Variants in KIFC1 observed in about 807,000 individuals in gnomAD.
KIFC1 encodes the protein kinesin family member C1.
In KIFC1, 37 loss-of-function variants were observed where a neutral mutation model predicts 66.6. The ratio of observed to expected loss-of-function variants is 0.56; its 90% confidence interval spans 0.43 to 0.73. The LOEUF (loss-of-function observed/expected upper bound fraction) is 0.73. KIFC1 is among the 30% of genes least tolerant of loss of function. The pLI is 0.00. For synonymous variants in KIFC1, 325 were observed against 343.5 expected, an observed-to-expected ratio of 0.95 and a Z score of 0.60; for missense variants, 721 against 859.8, an observed-to-expected ratio of 0.84 and a Z score of 2.02.
intron 3 of KIFC1, among the ~76,000 whole-genome samples, chr6:33,399,685 G>A (rs758781241): frequency 6.2e-4 from 95 of 152,246 alleles, no homozygotes; most frequent in Non-Finnish European, 1.0e-3. Flanking sequence ...CATAGAAAAG[G>A]TACAGTTAAA....
Position 33,404,947 on chromosome 6 carries a change from T to C in KIFC1, c.852T>C (p.Thr284=). ...QETVAQAALL[T]EREERLHGLE... ...CTGTGGCCCAGGCAGCCTTACTGAC[T>C]GAGCGGGAAGAACGTCTTCATGGGC... The change falls in exon 7 of 11, where the codon ACT becomes ACC. Residue 284 remains threonine (T), a synonymous_variant. Transcript: ENST00000428849. This position sits in a 1 kb window ranked among gnomAD's most constrained non-coding sequence, Gnocchi z 4.0. The C allele has an allele frequency of 6.2e-7, 1 of 1,614,158 alleles. No individual in the cohort carries two copies. The highest frequency in any genetic ancestry group is 1.1e-5 in the South Asian group (1 of 91,086).
chr6:33,401,050 T>TC lies in KIFC1; in HGVS notation c.251-2263dup, dbSNP rs536955548. Among the ~76,000 whole-genome samples the TC allele has an allele frequency of 3.3e-3, 498 of 152,358 alleles. 3 individuals are homozygous for TC. The highest frequency in any genetic ancestry group is 0.011 in the African/African-American group (474 of 41,594). ...ATATCCTTATTCCTCATGCTTTTTT[T>TC]CTATCTAAATTTTGTTTTGGGCGGG... On this transcript the variant is annotated intron_variant, in intron 3 of 10. Transcript: ENST00000428849. The surrounding 1 kb of genome is among the most constrained non-coding windows in gnomAD (Gnocchi z 4.5).
At chr6:33,402,622 C>G (rs1775430714) in intron 3 of KIFC1, among the ~76,000 whole-genome samples, 1 of 151,560 alleles carries the variant, frequency 6.6e-6, no homozygotes, top group Non-Finnish European at 1.5e-5. Context: ...CCCAGCTACT[C>G]AGGAGGCTGA....
In KIFC1 at chr6:33,398,775, TA is replaced by T. The variant is rs565866417; in HGVS notation, c.250+389del. On this transcript the variant is annotated intron_variant, in intron 3 of 10. Transcript: ENST00000428849. ...GGCACCGCACCCAGCCTATTTTGAA[TA>T]GGTAATAACATTTCATTTGGTTCAA... Among the ~76,000 whole-genome samples the T allele has an allele frequency of 5.0e-3, 765 of 152,246 alleles. 8 individuals are homozygous for T. The highest frequency in any genetic ancestry group is 0.017 in the African/African-American group (721 of 41,540).
chr6:33,400,200 T>A lies in KIFC1; in HGVS notation c.250+1813T>A, dbSNP rs1775302372. The A allele has an allele frequency of 6.5e-7, 1 of 1,550,316 alleles. No homozygotes were observed. The highest frequency in any genetic ancestry group is 8.8e-7 in the Non-Finnish European group (1 of 1,137,830). ...TTCCAGAGAGTTCTCTGGCTAAGGA[T>A]CGGTGCCGCATCTGTCGAGCAATGT... On this transcript the variant is annotated intron_variant, in intron 3 of 10. Coordinates refer to ENST00000428849, the MANE Select transcript of KIFC1 (RefSeq NM_002263.4). This position sits in a 1 kb window ranked among gnomAD's most constrained non-coding sequence, Gnocchi z 4.3.
chr6:33,408,596 C>T (rs1378704097), intron 10 of KIFC1, among the ~76,000 whole-genome samples: 5 of 152,218 alleles, frequency 3.3e-5, no homozygotes, highest in Non-Finnish European at 5.9e-5. Context: ...AAATTCAATT[C>T]ATACAGGAAA....
chr6:33,395,891 T>A (rs1338521351), intron 1 of KIFC1, among the ~76,000 whole-genome samples: 1 of 152,232 alleles, frequency 6.6e-6, no homozygotes, highest in Non-Finnish European at 1.5e-5. Flanking sequence ...CCTCTTTTTT[T>A]CCCTTTTTAT....
In KIFC1 at chr6:33,404,263, G is replaced by A; in HGVS notation, c.756+134G>A. On this transcript the variant is annotated intron_variant, in intron 6 of 10. Coordinates refer to ENST00000428849, the MANE Select transcript of KIFC1 (RefSeq NM_002263.4). This position sits in a 1 kb window ranked among gnomAD's most constrained non-coding sequence, Gnocchi z 4.0. ...TATCTTTAGCAGTATAGGTGCTGCTGAAGATACCTCTCTCTTGACCTGTCT... is the reference window on the plus strand; with the variant it reads ...TATCTTTAGCAGTATAGGTGCTGCTAAAGATACCTCTCTCTTGACCTGTCT... 1.2e-6 allele frequency: 1 copy of A among 802,558 alleles called. No homozygotes were observed. The highest frequency in any genetic ancestry group is 1.9e-6 in the Non-Finnish European group (1 of 521,058). The allele number at this position is 802,558 out of a possible 1,614,324, so 49.7% of individuals were successfully genotyped here.
Position 33,398,304 on chromosome 6 carries a change from T to C in KIFC1, c.167T>C (p.Leu56Pro), listed in dbSNP as rs1775196284. Residue 56 changes from leucine (L) to proline (P), a missense_variant, in exon 3 of 11, where the codon CTG (leucine) becomes CCG (proline). Coordinates refer to ENST00000428849, the MANE Select transcript of KIFC1 (RefSeq NM_002263.4). ...TTTCCCCAGAAACGGACAAGAGGCC[T>C]GGGTGCAACGACCAAAATTACCACA... Reference protein sequence around the residue: ...LEPEKKRTRGLGATTKITTSH... With the variant: ...LEPEKKRTRGPGATTKITTSH... 6 of 1,613,948 alleles carry C rather than the reference T, an allele frequency of 3.7e-6. No homozygotes were observed. Among genetic ancestry groups the C allele is most frequent in the Admixed American group, 1.7e-5 (1 of 59,990 alleles).
In KIFC1 at chr6:33,400,552, G is replaced by T. The variant is rs942391077; in HGVS notation, c.250+2165G>T. On this transcript the variant is annotated intron_variant, in intron 3 of 10. Coordinates refer to ENST00000428849, the MANE Select transcript of KIFC1 (RefSeq NM_002263.4). This position sits in a 1 kb window ranked among gnomAD's most constrained non-coding sequence, Gnocchi z 4.3. ...GATCTCGTTGGGGTCGAACTTCGGT[G>T]GCATGGTGGAGGCAGCTGGTGTCGG... 1 of 1,442,354 alleles carries T rather than the reference G, an allele frequency of 6.9e-7. No individual in the cohort carries two copies. The highest frequency in any genetic ancestry group is 9.7e-7 in the Non-Finnish European group (1 of 1,035,372). The allele number at this position is 1,442,354 out of a possible 1,614,324, so 89.3% of individuals were successfully genotyped here.
In KIFC1 at chr6:33,403,644, G is replaced by C; in HGVS notation, c.356-85G>C. On this transcript the variant is annotated intron_variant, in intron 5 of 10. Transcript: ENST00000428849. The surrounding 1 kb of genome is among the most constrained non-coding windows in gnomAD (Gnocchi z 4.6). The stretch of plus-strand genomic sequence containing the variant: ...CTAAGGGGAAGGAGATGTAGCATCA[G>C]GTGTGGATCCCATAAAGGCTAGAAG... The C allele has an allele frequency of 6.3e-7, 1 of 1,575,998 alleles. No individual in the cohort carries two copies. The highest frequency in any genetic ancestry group is 8.7e-7 in the Non-Finnish European group (1 of 1,146,586).
rs9469421 is a variant in KIFC1, at chr6:33,406,989, A to G, written c.1977+114A>G. ...GCACATTTGTGCAGAAAGGTTTTGC[A>G]GGTATCTGAGGCACTGCTCACCTGG... On this transcript the variant is annotated intron_variant, in intron 10 of 10. Transcript: ENST00000428849. The surrounding 1 kb of genome is among the most constrained non-coding windows in gnomAD (Gnocchi z 4.5). The G allele has an allele frequency of 3.5e-3, 5,180 of 1,500,722 alleles. 96 individuals carry two copies. The African/African-American group carries it at 0.046, about 13-fold the overall frequency. 93.0% of individuals were successfully genotyped at this position (1,500,722 alleles called of 1,614,324 possible).
In KIFC1 at chr6:33,398,175, G is replaced by A. The variant is rs974724363; in HGVS notation, c.150+9G>A. 12 of 1,614,140 alleles carry A rather than the reference G, an allele frequency of 7.4e-6. No individual in the cohort carries two copies. Among genetic ancestry groups the A allele is most frequent in the Non-Finnish European group, 9.3e-6 (11 of 1,180,008 alleles). ...GCCTGGAGCCTGAGAAGGTGAGCTG[G>A]GCATGGAGAGCTGTGCATGTGTGTG... On this transcript the variant is annotated intron_variant, in intron 2 of 10. Transcript: ENST00000428849.
intron 10 of KIFC1, among the ~76,000 whole-genome samples, chr6:33,407,950 C>CA (rs1775734793): frequency 6.6e-6 from 1 of 152,246 alleles, no homozygotes; most frequent in South Asian, 2.1e-4. Context: ...GGCCTCCTCC[C>CA]AGTCAGCACT....
Position 33,406,919 on chromosome 6 carries a change from T to C in KIFC1, c.1977+44T>C. 1 of 1,612,674 alleles carries C rather than the reference T, an allele frequency of 6.2e-7. No individual in the cohort carries two copies. The highest frequency in any genetic ancestry group is 8.5e-7 in the Non-Finnish European group (1 of 1,179,322). ...AGCCTTGTCAGGACCCGTGGGTGGT[T>C]GTAGGCTTCTCCATTCCAATCCCTT... On this transcript the variant is annotated intron_variant, in intron 10 of 10. Transcript: ENST00000428849. The surrounding 1 kb of genome is among the most constrained non-coding windows in gnomAD (Gnocchi z 4.5).
At chr6:33,402,840 A>T (rs1306057045) in intron 3 of KIFC1, among the ~76,000 whole-genome samples, 1 of 151,366 alleles carries the variant, frequency 6.6e-6, no homozygotes, top group Non-Finnish European at 1.5e-5. Context: ...ATACAAAATT[A>T]GTTGGGCGTG....
chr6:33,391,920 C>T lies in KIFC1; in HGVS notation c.-66C>T. The T allele has an allele frequency of 6.2e-7, 1 of 1,603,718 alleles. No homozygotes were observed. Among genetic ancestry groups the T allele is most frequent in the Non-Finnish European group, 8.5e-7 (1 of 1,171,272 alleles). ...GCGAGCGGGCGAGAGAACGCGAGTC[C>T]CAGGATCCCCGGCACCCAGTTCTCT... On this transcript the variant is annotated 5_prime_UTR_variant, in exon 1 of 11. Transcript: ENST00000428849.
At chr6:33,391,530 G>T, upstream of KIFC1, 1 of 224,240 alleles carries the variant, frequency 4.5e-6, no homozygotes, top group East Asian at 1.6e-4. Context: ...GGCCAGTTGC[G>T]TTCGTGCGGC....
chr6:33,392,387 G>A (rs1428658575), intron 1 of KIFC1, among the ~76,000 whole-genome samples: 1 of 152,234 alleles, frequency 6.6e-6, no homozygotes, highest in Non-Finnish European at 1.5e-5. Flanking sequence ...GGGACATGGT[G>A]TCTGAGGCCA....
Sources: allele counts gnomAD v4.1 joint callset (sites outside exome capture counted in the v4.1 genomes callset), GRCh38; gene constraint gnomAD v4.1.1; non-coding constraint Gnocchi (gnomAD v3.1); transcripts MANE v1.5; gene names NCBI Gene and HGNC (gene_info 2026-07-23, HGNC 2026-07-21).